The following PSD3 variants were observed in gnomAD, a reference collection of about 807,000 sequenced individuals.
PSD3 encodes PH and SEC7 domain-containing protein 3.
A neutral mutation model predicts 105.5 loss-of-function variants in PSD3; 49 were observed. That is an observed-to-expected ratio of 0.46 (90% CI 0.37 to 0.59). The LOEUF (loss-of-function observed/expected upper bound fraction) is 0.59. Ranked by LOEUF, PSD3 falls within the 20% of genes least tolerant of loss-of-function variation. PSD3 has a pLI of 0.00. For missense variants in PSD3, 1,561 were observed against 1,263.8 expected (o/e 1.24, Z -3.57); for synonymous variants, 557 against 457.8 (o/e 1.22, Z -2.77).
At chr8:18,625,444 T>C (rs997418853) in intron 11 of PSD3, among the ~76,000 whole-genome samples, 1 of 152,120 alleles carries the variant, frequency 6.6e-6, no homozygotes, top group African/African-American at 2.4e-5. Context: ...TACAGGGAGC[T>C]GTGAAAACTA....
intron 8 of PSD3, 56 bp from the exon 9 acceptor site, chr8:18,765,594 C>T (rs1311878447): frequency 7.5e-7 from 1 of 1,336,828 alleles, no homozygotes; most frequent in African/African-American, 1.4e-5. Flanking sequence ...AAGACTGATT[C>T]ATAAATATAT....
chr8:18,572,898 C>T (rs1325838314), intron 13 of PSD3, among the ~76,000 whole-genome samples: 1 of 152,158 alleles, frequency 6.6e-6, no homozygotes, highest in South Asian at 2.1e-4. Flanking sequence ...CCCTAGGAAA[C>T]AGAAGGGAAA....
chr8:18,865,286 ATTTTTTTTTT>A (rs375872604), intron 4 of PSD3: 30 of 14,122 alleles, frequency 2.1e-3, no homozygotes, highest in African/African-American at 9.0e-3. Context: ...ATATATATAT[ATTTTTTTTTT>A]TTTTTTTTTT....
At chr8:18,820,171 C>CTTTTTTTTTTTTTTTT (rs11357749) in intron 4 of PSD3, among the ~76,000 whole-genome samples, 2 of 128,092 alleles carry the variant, frequency 1.6e-5, no homozygotes, top group Non-Finnish European at 3.4e-5. Context: ...CATTTTTTTC[C>CTTTTTTTTTTTTTTTT]TTTTTTTTTT....
intron 2 of PSD3, among the ~76,000 whole-genome samples, chr8:18,928,712 C>T (rs984514853): frequency 1.3e-5 from 2 of 150,282 alleles, no homozygotes; most frequent in Non-Finnish European, 3.0e-5. Context: ...TTCTCTTTTT[C>T]TTTCCTTCCT....
chr8:18,567,483 T>C (rs1451663775), intron 14 of PSD3, among the ~76,000 whole-genome samples: 1 of 152,176 alleles, frequency 6.6e-6, no homozygotes, highest in South Asian at 2.1e-4. Context: ...GTAAGAGCAT[T>C]CCTTTTCTTT....
intron 12 of PSD3, among the ~76,000 whole-genome samples, chr8:18,576,777 G>A (rs1802486072): frequency 6.6e-6 from 1 of 152,024 alleles, no homozygotes; most frequent in Admixed American, 6.6e-5. Context: ...AATGATGAGG[G>A]CCAAAATCAC....
intron 14 of PSD3, among the ~76,000 whole-genome samples, chr8:18,565,558 T>C (rs974874361): frequency 1.4e-5 from 2 of 147,572 alleles, no homozygotes; most frequent in African/African-American, 5.0e-5. Flanking sequence ...AAACACTGTG[T>C]CTTGAAAAAG....
intron 2 of PSD3, among the ~76,000 whole-genome samples, chr8:18,907,832 T>G (rs187983428): frequency 2.0e-5 from 3 of 152,378 alleles, no homozygotes; most frequent in Admixed American, 6.5e-5. Flanking sequence ...GATACATAGT[T>G]GCCGCATTTC....
intron 9 of PSD3, among the ~76,000 whole-genome samples, chr8:18,754,257 G>A (rs1464524468): frequency 6.6e-6 from 1 of 152,036 alleles, no homozygotes; most frequent in Non-Finnish European, 1.5e-5. Context: ...GGTGGCGGAT[G>A]CCTGTAATCC....
At position 18,947,754 on chromosome 8, in the gene PSD3, C is replaced by T. The variant is rs570152948; in HGVS notation, c.22-11612G>A. On this transcript the variant is annotated intron_variant, in intron 1 of 15. Transcript: ENST00000327040. ...AAGATTCTATCCCCCTTCTAGGAAC[C>T]GTGCCTGGCCTGGGCAAGGTTCTGA... is the stretch of plus-strand genomic sequence containing the variant. Among the ~76,000 whole-genome samples, 38 of 152,252 alleles carry T rather than the reference C, an allele frequency of 2.5e-4. No individual in the cohort carries two copies. The South Asian group carries it at 5.0e-3, about 20-fold the overall frequency.
At chr8:18,627,398 A>G (rs1000479673) in intron 11 of PSD3, among the ~76,000 whole-genome samples, 2 of 152,116 alleles carry the variant, frequency 1.3e-5, no homozygotes, top group African/African-American at 4.8e-5. Context: ...TGGCTGTAGC[A>G]TCGATCTTAG....
intron 4 of PSD3, among the ~76,000 whole-genome samples, chr8:18,818,488 C>A (rs1586117237): frequency 6.6e-6 from 1 of 151,900 alleles, no homozygotes; most frequent in South Asian, 2.1e-4. Context: ...ATGTTATCTG[C>A]CATCTAACTC....
At chr8:18,552,948 AT>A (rs955767702) in intron 15 of PSD3, among the ~76,000 whole-genome samples, 2 of 151,570 alleles carry the variant, frequency 1.3e-5, no homozygotes, top group Non-Finnish European at 2.9e-5. Context: ...CTCTCTGTAA[AT>A]TTTTTTTTAA....
intron 2 of PSD3, among the ~76,000 whole-genome samples, chr8:18,933,286 G>T (rs923665473): frequency 2.0e-5 from 3 of 151,862 alleles, no homozygotes; most frequent in African/African-American, 7.3e-5. Context: ...AAACCCACGA[G>T]TAAGGAAGAA....
chr8:18,806,752 C>T (rs1015757370), intron 4 of PSD3, among the ~76,000 whole-genome samples: 7 of 152,166 alleles, frequency 4.6e-5, no homozygotes, highest in African/African-American at 1.7e-4. Context: ...TTGCTCTATC[C>T]CATAGTTCTT....
At chr8:18,974,243 T>G (rs920899514) in intron 1 of PSD3, among the ~76,000 whole-genome samples, 1 of 152,216 alleles carries the variant, frequency 6.6e-6, no homozygotes, top group Non-Finnish European at 1.5e-5. Flanking sequence ...TCAAAAAGCC[T>G]TCCTCAAACT....
At chr8:18,842,440 T>C (rs1814702359) in intron 4 of PSD3, among the ~76,000 whole-genome samples, 1 of 152,218 alleles carries the variant, frequency 6.6e-6, no homozygotes, top group African/African-American at 2.4e-5. Flanking sequence ...TCTCACAAAA[T>C]TGTATGGCTT....
At chr8:19,043,347 A>C (rs1400108601) in intron 1 of PSD3, among the ~76,000 whole-genome samples, 2 of 152,208 alleles carry the variant, frequency 1.3e-5, no homozygotes, top group Non-Finnish European at 2.9e-5. Flanking sequence ...CAGAGCTCAC[A>C]AACAACTCTC....
Sources: allele counts gnomAD v4.1 joint callset (sites outside exome capture counted in the v4.1 genomes callset), GRCh38; gene constraint gnomAD v4.1.1; transcripts MANE v1.5; gene names NCBI Gene and HGNC (gene_info 2026-07-23, HGNC 2026-07-21).